EYS: variants seen among roughly 807,000 people sequenced by gnomAD.
EYS encodes the protein protein eyes shut homolog.
A neutral mutation model predicts 282.1 loss-of-function variants in EYS; 250 were observed. The ratio of observed to expected loss-of-function variants is 0.89; its 90% confidence interval spans 0.80 to 0.98. EYS has a LOEUF of 0.98. Among genes scored for constraint, EYS ranks in the 50% least tolerant of loss-of-function variants. The pLI, the probability that EYS is intolerant of heterozygous loss-of-function variation, is 0.00. For synonymous variants in EYS, 1,355 were observed against 1,282.9 expected, an observed-to-expected ratio of 1.06 and a Z score of -1.20; for missense variants, 4,016 against 3,709.0, an observed-to-expected ratio of 1.08 and a Z score of -2.15.
chr6:64,167,197 G>A (rs980940602), intron 31 of EYS, among the ~76,000 whole-genome samples: 13 of 152,028 alleles, frequency 8.6e-5, no homozygotes, highest in African/African-American at 1.9e-4. Flanking sequence ...GAATCATACC[G>A]CAAGGAATGA....
chr6:64,947,177 T>A (rs925731687), intron 14 of EYS, among the ~76,000 whole-genome samples: 12 of 151,780 alleles, frequency 7.9e-5, no homozygotes, highest in Non-Finnish European at 8.8e-5. Context: ...AAAACAAACA[T>A]GATATGACCA....
At chr6:65,260,663 C>T (rs910362733) in intron 12 of EYS, among the ~76,000 whole-genome samples, 1 of 151,826 alleles carries the variant, frequency 6.6e-6, no homozygotes, top group Non-Finnish European at 1.5e-5. Context: ...CTGTGAAATA[C>T]ACGTTTAAGA....
intron 12 of EYS, among the ~76,000 whole-genome samples, chr6:65,154,847 A>T (rs1372925962): frequency 6.6e-6 from 1 of 151,666 alleles, no homozygotes; most frequent in Non-Finnish European, 1.5e-5. Context: ...TCATATTTAA[A>T]TTAGACAAGC....
intron 26 of EYS, among the ~76,000 whole-genome samples, chr6:64,519,414 C>T (rs965374073): frequency 1.3e-4 from 19 of 151,714 alleles, no homozygotes; most frequent in Admixed American, 5.3e-4. Context: ...ACACAAAACA[C>T]GCAGAAGCAT....
chr6:65,440,931 AAC>A (rs1176949444), intron 5 of EYS, among the ~76,000 whole-genome samples: 4 of 147,542 alleles, frequency 2.7e-5, no homozygotes, highest in South Asian at 2.1e-4. Context: ...ATATATAAAA[AAC>A]AGTGTCTGTA....
At position 63,721,619 on chromosome 6, in the gene EYS, T is replaced by G. The variant is rs997067964; in HGVS notation, c.8412A>C (p.Val2804=). ...TCATTTTAGTGGAGGCCTTTTCTGT[T>G]ACATTTATCCCATCTAGATCCAGGT... ...EGYLDLDGIN[V]TEKASTKMSS... The change falls in exon 43 of 43, where the codon GTA becomes GTC. Residue 2804 remains valine, a synonymous_variant. Coordinates refer to ENST00000503581, the MANE Select transcript of EYS (RefSeq NM_001142800.2). 4 of 1,551,462 alleles carry G rather than the reference T, an allele frequency of 2.6e-6. No homozygotes were observed. The Admixed American group carries it at 7.8e-5, about 30-fold the overall frequency.
chr6:65,269,047 CATT>C (rs1767831233), intron 12 of EYS, among the ~76,000 whole-genome samples: 1 of 152,040 alleles, frequency 6.6e-6, no homozygotes, highest in Non-Finnish European at 1.5e-5. Flanking sequence ...TAATAATAGT[CATT>C]ATTCAGCCTT....
chr6:65,189,151 T>A (rs1430394603), intron 12 of EYS, among the ~76,000 whole-genome samples: 1 of 151,656 alleles, frequency 6.6e-6, no homozygotes, highest in Non-Finnish European at 1.5e-5. Context: ...GAAAATTTTT[T>A]AAAGTATAAT....
At chr6:64,745,332 G>GCT (rs1386871704) in intron 22 of EYS, among the ~76,000 whole-genome samples, 1 of 152,142 alleles carries the variant, frequency 6.6e-6, no homozygotes, top group East Asian at 1.9e-4. Context: ...TATGGGCTTA[G>GCT]TAGGTGAATA....
rs1769449314 is a variant in EYS at position 65,320,662 on chromosome 6, G to A, written c.1766+14318C>T. On this transcript the variant is annotated intron_variant, in intron 11 of 42. Coordinates refer to ENST00000503581, the MANE Select transcript of EYS (RefSeq NM_001142800.2). ...GAAGTGCATCTCAGAAGGACATGTTGTCCTTCTGCCAGTTATAGTTCTGCC... is the reference window on the plus strand; with the variant it reads ...GAAGTGCATCTCAGAAGGACATGTTATCCTTCTGCCAGTTATAGTTCTGCC... Among the ~76,000 whole-genome samples the A allele has an allele frequency of 3.3e-5, 5 of 152,198 alleles. No individual in the cohort carries two copies. In the South Asian group the frequency reaches 1.0e-3, roughly 31 times the overall value.
At chr6:64,148,814 C>A (rs1257915829) in intron 31 of EYS, among the ~76,000 whole-genome samples, 2 of 152,182 alleles carry the variant, frequency 1.3e-5, no homozygotes, top group East Asian at 3.9e-4. Flanking sequence ...ACACCTAGAA[C>A]TATGAACTTC....
chr6:64,028,881 C>T (rs1404579420), intron 33 of EYS, among the ~76,000 whole-genome samples: 1 of 152,198 alleles, frequency 6.6e-6, no homozygotes, highest in East Asian at 1.9e-4. Flanking sequence ...TTGCCTACAG[C>T]ATGTCAAATA....
chr6:65,150,192 G>A (rs1764578776), intron 12 of EYS, among the ~76,000 whole-genome samples: 1 of 152,020 alleles, frequency 6.6e-6, no homozygotes, highest in Non-Finnish European at 1.5e-5. Flanking sequence ...GGGGGAAATA[G>A]TGTGAACACT....
chr6:64,431,950 T>G (rs1774587917), intron 28 of EYS, among the ~76,000 whole-genome samples: 1 of 152,166 alleles, frequency 6.6e-6, no homozygotes, highest in South Asian at 2.1e-4. Flanking sequence ...TTCTAAAGTG[T>G]CATGTCATTT....
intron 22 of EYS, among the ~76,000 whole-genome samples, chr6:64,772,975 T>C (rs78775239): frequency 0.01 from 1,563 of 151,900 alleles, 29 homozygotes; most frequent in African/African-American, 0.035. Flanking sequence ...ATATCCTTTC[T>C]CAACTTTTCT....
intron 12 of EYS, among the ~76,000 whole-genome samples, chr6:65,173,221 C>T (rs1765146028): frequency 1.3e-5 from 2 of 151,206 alleles, no homozygotes; most frequent in Admixed American, 1.3e-4. Flanking sequence ...AAATATTAAA[C>T]TTCAGTGGTT....
At chr6:64,431,733 T>G (rs964482552) in intron 28 of EYS, among the ~76,000 whole-genome samples, 19 of 152,166 alleles carry the variant, frequency 1.2e-4, no homozygotes, top group South Asian at 2.1e-4. Flanking sequence ...CACTGCATTT[T>G]CATACCCAAT....
intron 12 of EYS, among the ~76,000 whole-genome samples, chr6:65,165,412 A>G (rs1764949853): frequency 6.6e-6 from 1 of 151,070 alleles, no homozygotes; most frequent in South Asian, 2.1e-4. Context: ...TTCAGAAAAT[A>G]TATCATATGG....
intron 12 of EYS, among the ~76,000 whole-genome samples, chr6:65,282,214 A>G (rs577290430): frequency 6.6e-6 from 1 of 152,174 alleles, no homozygotes; most frequent in African/African-American, 2.4e-5. Context: ...CAAAATTACT[A>G]GGAGAGTACA....
Sources: allele counts gnomAD v4.1 joint callset (sites outside exome capture counted in the v4.1 genomes callset), GRCh38; gene constraint gnomAD v4.1.1; transcripts MANE v1.5; gene names NCBI Gene and HGNC (gene_info 2026-07-23, HGNC 2026-07-21).